SLC38A6: variants seen among roughly 807,000 people sequenced by gnomAD.
The protein encoded by SLC38A6 is N system amino acid transporter NAT-1.
Under a neutral mutation model 65.0 loss-of-function variants are expected in SLC38A6, and 73 were observed. The ratio of observed to expected loss-of-function variants is 1.12; its 90% CI spans 0.93 to 1.37. SLC38A6 has a LOEUF of 1.37. Ranked by LOEUF, SLC38A6 falls within the 40% of genes most tolerant of loss-of-function variation. The probability of loss-of-function intolerance (pLI) is 0.00; values close to 1 mark genes in which losing one functional copy is unlikely to be tolerated. For synonymous variants in SLC38A6, 183 were observed against 178.8 expected, an observed-to-expected ratio of 1.02 and a Z score of -0.19; for missense variants, 561 against 531.1, an observed-to-expected ratio of 1.06 and a Z score of -0.55.
At chr14:61,036,046 C>T (rs527501879) in intron 6 of SLC38A6, among the ~76,000 whole-genome samples, 1 of 151,744 alleles carries the variant, frequency 6.6e-6, no homozygotes, top group Non-Finnish European at 1.5e-5. Context: ...GTGATTAATG[C>T]CCTTTCCTGA....
chr14:61,066,161 C>G (rs1440822306), intron 15 of SLC38A6, among the ~76,000 whole-genome samples: 1 of 152,100 alleles, frequency 6.6e-6, no homozygotes, highest in African/African-American at 2.4e-5. Context: ...TTTTAAAAAA[C>G]TCAAATACAC....
intron 3 of SLC38A6, among the ~76,000 whole-genome samples, chr14:61,015,525 A>ATACAT: frequency 6.6e-6 from 1 of 152,020 alleles, no homozygotes; most frequent in East Asian, 1.9e-4. Context: ...CAGAAATGAG[A>ATACAT]TAGAGAAACA....
rs535951588 is a variant in SLC38A6, at chr14:61,037,554, T to C, written c.566-71T>C. On this transcript the variant is annotated intron_variant, in intron 7 of 15. Coordinates refer to ENST00000267488, the MANE Select transcript of SLC38A6 (RefSeq NM_153811.3). Reference sequence around the variant, plus strand: ...ACTATAATAGAAAACATGCCTAAGATGTATAGCTTTAGTTGTACGTTAAAA... The same window carrying C: ...ACTATAATAGAAAACATGCCTAAGACGTATAGCTTTAGTTGTACGTTAAAA... 4.8e-6 allele frequency: 5 copies of C among 1,050,142 alleles called. No homozygotes were observed. In the East Asian group the frequency reaches 1.3e-4, roughly 27 times the overall value. 65.1% of individuals were successfully genotyped at this position (1,050,142 alleles called of 1,614,324 possible). A position where few individuals can be genotyped will look rare whatever the true frequency, so the allele number is the denominator to read the frequency against.
intron 16 of SLC38A6, among the ~76,000 whole-genome samples, chr14:61,079,773 G>C (rs1825591156): frequency 6.6e-6 from 1 of 152,152 alleles, no homozygotes; most frequent in Non-Finnish European, 1.5e-5. Flanking sequence ...ATCCACCTCA[G>C]AGACTTCATG....
At chr14:61,080,225 A>G (rs2043589189) in intron 16 of SLC38A6, among the ~76,000 whole-genome samples, 1 of 152,154 alleles carries the variant, frequency 6.6e-6, no homozygotes. Flanking sequence ...ATGACTGACA[A>G]TGATAAGGAC....
intron 15 of SLC38A6, among the ~76,000 whole-genome samples, chr14:61,075,885 C>T (rs2043396551): frequency 6.7e-6 from 1 of 149,880 alleles, no homozygotes; most frequent in African/African-American, 2.5e-5. Flanking sequence ...AACGGAGTTT[C>T]ACTTTTTTTG....
At chr14:61,002,684 C>T (rs1203429125) in intron 3 of SLC38A6, among the ~76,000 whole-genome samples, 1 of 152,068 alleles carries the variant, frequency 6.6e-6, no homozygotes, top group Non-Finnish European at 1.5e-5. Flanking sequence ...TTAAAGTGTG[C>T]CTTGATGGTA....
rs989814587 is a variant in SLC38A6 at position 61,083,660 on chromosome 14, G to GT, written c.1515dup (p.Val506CysfsTer?). The GT allele has an allele frequency of 5.2e-5, 81 of 1,550,162 alleles. No homozygotes were observed. In the African/African-American group the frequency reaches 6.2e-4, roughly 12 times the overall value. ...GGAAGAGGCCTCAGGAGAACCAAAC[G>GT]TGTCCACACCTTGATCTTGCACTTC... On this transcript the variant is annotated frameshift_variant, in exon 17 of 17. Coordinates refer to the SLC38A6 transcript ENST00000354886. LOFTEE classifies it high-confidence loss of function.
Position 61,062,400 on chromosome 14 carries a change from A to C in SLC38A6, c.1290+10265A>C, listed in dbSNP as rs2042878952. On this transcript the variant is annotated intron_variant, in intron 15 of 16. Transcript: ENST00000354886. ...GTGGTATCTCGTTGTTTTAGTTTGC[A>C]GTTCCCTAATATGATATTGAGCATC... 2.0e-5 allele frequency among the ~76,000 whole-genome samples: 3 copies of C among 151,992 alleles called. No homozygotes were observed. The South Asian group carries it at 6.2e-4, about 32-fold the overall frequency.
At chr14:61,041,261 G>A (rs1000234961) in intron 8 of SLC38A6, among the ~76,000 whole-genome samples, 1 of 151,884 alleles carries the variant, frequency 6.6e-6, no homozygotes, top group Non-Finnish European at 1.5e-5. Flanking sequence ...TTTCACTCCC[G>A]TTCTGTACTT....
At chr14:61,078,676 T>TC (rs1452286496) in intron 15 of SLC38A6, 2 of 153,702 alleles carry the variant, frequency 1.3e-5, no homozygotes, top group African/African-American at 2.4e-5. Flanking sequence ...AGGAACTTTT[T>TC]CTGGAGTTTT....
At chr14:60,996,407 G>A (rs145674503) in intron 3 of SLC38A6, among the ~76,000 whole-genome samples, 56 of 152,184 alleles carry the variant, frequency 3.7e-4, no homozygotes, top group African/African-American at 1.3e-3. Flanking sequence ...CAATTGTTGG[G>A]TTGGGAGAGT....
intron 5 of SLC38A6, among the ~76,000 whole-genome samples, chr14:61,024,027 A>T (rs1388859193): frequency 6.6e-6 from 1 of 152,156 alleles, no homozygotes; most frequent in African/African-American, 2.4e-5. Flanking sequence ...GCAAAAAGAG[A>T]GTTGATTGAC....
intron 3 of SLC38A6, among the ~76,000 whole-genome samples, chr14:60,991,108 A>G (rs898391952): frequency 1.3e-5 from 2 of 152,208 alleles, no homozygotes; most frequent in East Asian, 1.9e-4. Context: ...CCTGCAGTCT[A>G]TTCTTAACAA....
At chr14:60,990,038 T>C (rs568958665) in intron 3 of SLC38A6, among the ~76,000 whole-genome samples, 1 of 93,242 alleles carries the variant, frequency 1.1e-5, no homozygotes, top group South Asian at 3.6e-4. Flanking sequence ...CCTTCTTTTC[T>C]TTTTTTTTTG....
At chr14:61,054,149 G>C (rs2042626034), downstream of SLC38A6, among the ~76,000 whole-genome samples, 1 of 152,094 alleles carries the variant, frequency 6.6e-6, no homozygotes, top group Non-Finnish European at 1.5e-5. Flanking sequence ...CCCATTGCTT[G>C]TTTCTTTCAG....
chr14:61,055,106 C>CTTT (rs1280245361), downstream of SLC38A6, among the ~76,000 whole-genome samples: 248 of 63,238 alleles, frequency 3.9e-3, 2 homozygotes, highest in African/African-American at 6.4e-3. Context: ...AAGTCTTTTT[C>CTTT]TTTTTTTTTT....
In SLC38A6 at chr14:61,036,968, G is replaced by GTA. The variant is rs2139722118; in HGVS notation, c.483-90_483-89insAT. The GTA allele has an allele frequency of 1.4e-5, 9 of 631,008 alleles. 1 individual carries two copies. In the South Asian group the frequency reaches 1.6e-4, roughly 11 times the overall value. 39.1% of individuals were successfully genotyped at this position (631,008 alleles called of 1,614,324 possible). On this transcript the variant is annotated intron_variant, in intron 6 of 15. Coordinates refer to ENST00000267488, the MANE Select transcript of SLC38A6 (RefSeq NM_153811.3). ...TTGTAATGGTTATAACTCTGTGTGT[G>GTA]TGTGTGTGTGTGTGTGTGTGTGTGT...
chr14:61,001,284 G>C (rs888801682), intron 3 of SLC38A6, among the ~76,000 whole-genome samples: 1 of 152,140 alleles, frequency 6.6e-6, no homozygotes, highest in African/African-American at 2.4e-5. Flanking sequence ...AATGATCTGG[G>C]CCCAAAAGTA....
Sources: gnomAD v4.1 joint callset for allele counts (sites outside exome capture counted in the v4.1 genomes callset) on GRCh38, gnomAD v4.1.1 for gene constraint, MANE v1.5 for transcripts, NCBI Gene and HGNC (gene_info 2026-07-23, HGNC 2026-07-21) for gene names.